The following STIM1 variants were observed in gnomAD, a reference collection of about 807,000 sequenced individuals.
STIM1 encodes the protein stromal interaction molecule 1.
STIM1 carries 25 observed loss-of-function variants against 74.7 expected under a neutral mutation model. That is an observed-to-expected ratio of 0.33 (90% CI 0.24 to 0.47). The LOEUF is 0.47. STIM1 is among the 20% of genes least tolerant of loss of function. The pLI, the probability that STIM1 is intolerant of heterozygous loss-of-function variation, is 1.00. For synonymous variants in STIM1, 328 were observed against 348.8 expected, an observed-to-expected ratio of 0.94 and a Z score of 0.66; for missense variants, 728 against 920.8, an observed-to-expected ratio of 0.79 and a Z score of 2.71.
At chr11:3,995,097 T>A (rs2093651886) in intron 2 of STIM1, among the ~76,000 whole-genome samples, 3 of 138,070 alleles carry the variant, frequency 2.2e-5, no homozygotes, top group Non-Finnish European at 3.2e-5. Context: ...TTTTTTTTTT[T>A]AATCTTTGGA....
chr11:3,916,348 G>C (rs1003427492), intron 1 of STIM1, among the ~76,000 whole-genome samples: 1 of 151,668 alleles, frequency 6.6e-6, no homozygotes, highest in African/African-American at 2.4e-5. Flanking sequence ...GTGCAGTGGC[G>C]TGATCTTGGC....
At chr11:4,054,327 G>A (rs2094270329) in intron 3 of STIM1, among the ~76,000 whole-genome samples, 1 of 152,146 alleles carries the variant, frequency 6.6e-6, no homozygotes, top group African/African-American at 2.4e-5. Flanking sequence ...TGGTAGTCAA[G>A]ACTCTTTGTG....
intron 1 of STIM1, among the ~76,000 whole-genome samples, chr11:3,939,732 T>C (rs1291867536): frequency 6.6e-6 from 1 of 152,202 alleles, no homozygotes; most frequent in Non-Finnish European, 1.5e-5. Context: ...GTTAAATAAA[T>C]GAATGAATCA....
At chr11:3,967,021 AG>A (rs1376010573) in intron 1 of STIM1, among the ~76,000 whole-genome samples, 9 of 152,254 alleles carry the variant, frequency 5.9e-5, no homozygotes, top group African/African-American at 2.2e-4. Context: ...AGGTTTCCCC[AG>A]TCAATGGCTG....
intron 1 of STIM1, among the ~76,000 whole-genome samples, chr11:3,899,960 A>T (rs1373054638): frequency 6.6e-6 from 1 of 151,782 alleles, no homozygotes; most frequent in Non-Finnish European, 1.5e-5. Flanking sequence ...TTCATCAAGG[A>T]TATTGGTCTA....
chr11:3,919,471 C>T (rs1453289015), intron 1 of STIM1, among the ~76,000 whole-genome samples: 1 of 152,092 alleles, frequency 6.6e-6, no homozygotes. Flanking sequence ...TCCCAAAGTG[C>T]TGGGATTACA....
At chr11:3,952,277 G>A (rs948946393) in intron 1 of STIM1, among the ~76,000 whole-genome samples, 2 of 152,120 alleles carry the variant, frequency 1.3e-5, no homozygotes, top group South Asian at 2.1e-4. Flanking sequence ...GCCGAGCACA[G>A]TGGTGCATGC....
intron 2 of STIM1, among the ~76,000 whole-genome samples, chr11:3,978,846 G>C (rs981861042): frequency 1.3e-4 from 20 of 152,194 alleles, no homozygotes; most frequent in African/African-American, 4.6e-4. Context: ...GCTAGGTCCT[G>C]GGAGGCTGTG....
chr11:4,016,336 G>T (rs986204912), intron 2 of STIM1, among the ~76,000 whole-genome samples: 2 of 152,156 alleles, frequency 1.3e-5, no homozygotes, highest in African/African-American at 4.8e-5. Flanking sequence ...TTGGCGGGAG[G>T]TCCACTCCAG....
intron 7 of STIM1, among the ~76,000 whole-genome samples, chr11:4,079,533 C>T (rs190204848): frequency 6.6e-6 from 1 of 151,978 alleles, no homozygotes; most frequent in East Asian, 1.9e-4. Context: ...GAGATCACAT[C>T]ACTGCACTCC....
intron 3 of STIM1, among the ~76,000 whole-genome samples, chr11:4,031,745 G>T (rs2094052118): frequency 6.6e-6 from 1 of 152,080 alleles, no homozygotes; most frequent in South Asian, 2.1e-4. Flanking sequence ...TGAGTTTTGA[G>T]AATTCTTTAT....
intron 1 of STIM1, among the ~76,000 whole-genome samples, chr11:3,910,738 T>C (rs1468646309): frequency 6.6e-6 from 1 of 151,634 alleles, no homozygotes; most frequent in Non-Finnish European, 1.5e-5. Flanking sequence ...TGCCAGTACT[T>C]TGGGAGGCCG....
intron 3 of STIM1, among the ~76,000 whole-genome samples, chr11:4,051,782 G>A (rs1034068327): frequency 6.6e-6 from 1 of 152,110 alleles, no homozygotes; most frequent in African/African-American, 2.4e-5. Context: ...GAGGAGCTGG[G>A]ACTCTAGGTG....
intron 2 of STIM1, among the ~76,000 whole-genome samples, chr11:4,010,603 G>A (rs2093826120): frequency 6.6e-6 from 1 of 152,146 alleles, no homozygotes; most frequent in African/African-American, 2.4e-5. Context: ...TGAAATGAGG[G>A]ACATTATTAA....
chr11:3,885,228 G>T (rs1319251967), intron 1 of STIM1, among the ~76,000 whole-genome samples: 1 of 151,588 alleles, frequency 6.6e-6, no homozygotes, highest in Non-Finnish European at 1.5e-5. Flanking sequence ...ATCTAGACTG[G>T]AGTGCAGTGG....
intron 1 of STIM1, among the ~76,000 whole-genome samples, chr11:3,859,755 G>A (rs566322347): frequency 7.4e-4 from 113 of 152,350 alleles, no homozygotes; most frequent in Non-Finnish European, 1.1e-3. Flanking sequence ...TTTTAGCTGA[G>A]GGTGGCTCCC....
At chr11:3,888,759 C>A (rs1464792529) in intron 1 of STIM1, among the ~76,000 whole-genome samples, 1 of 152,056 alleles carries the variant, frequency 6.6e-6, no homozygotes, top group African/African-American at 2.4e-5. Context: ...ACCATGTTGG[C>A]CAGGCTGGTC....
chr11:3,979,767 T>C (rs1292874944), intron 2 of STIM1, among the ~76,000 whole-genome samples: 1 of 152,148 alleles, frequency 6.6e-6, no homozygotes, highest in Non-Finnish European at 1.5e-5. Flanking sequence ...TGGACATACC[T>C]CCTACCGCTT....
At position 4,086,495 on chromosome 11, in the gene STIM1, G is replaced by A. The variant is rs964563960; in HGVS notation, c.1586G>A (p.Ser529Asn). ...WKYPAPSLQS[S>N]VRQRLTEPQH... ...CTTGCAGCCCCTAGCCTGCAGAGCA[G>A]TGTTCGGCAGCGCCTGACGGAGCCA... The change falls in exon 12 of 13, where the codon AGT becomes AAT. Residue 529 changes from serine to asparagine, a missense_variant. Ser to Asn is a conservative substitution (Grantham distance 46, BLOSUM62 1). This residue lies in a region of STIM1 where 352 missense variants were observed against 370.1 expected (regional missense o/e 0.95). Transcript: ENST00000526596. 1.2e-6 allele frequency: 2 copies of A among 1,614,162 alleles called. 1 individual carries two copies.
Sources: gnomAD v4.1 joint callset for allele counts (sites outside exome capture counted in the v4.1 genomes callset) on GRCh38, gnomAD v4.1.1 for gene constraint, gnomAD v4.1.1 regional missense constraint, MANE v1.5 for transcripts, NCBI Gene and HGNC (gene_info 2026-07-23, HGNC 2026-07-21) for gene names.